Variants in PLXNA4 observed in about 807,000 individuals in gnomAD.
The protein encoded by PLXNA4 is plexin-A4.
Under a neutral mutation model 191.8 loss-of-function variants are expected in PLXNA4, and 44 were observed. The observed-to-expected ratio is 0.23, with a 90% CI of 0.18 to 0.29. The LOEUF (loss-of-function observed/expected upper bound fraction) is 0.29, where lower values mean the gene tolerates loss of function less well. PLXNA4 is among the 10% of genes least tolerant of loss of function. PLXNA4 has a pLI of 1.00. For missense variants in PLXNA4, 1,800 were observed against 2,488.8 expected, an observed-to-expected ratio of 0.72 and a Z score of 5.89; for synonymous variants, 1,082 against 1,009.5, an observed-to-expected ratio of 1.07 and a Z score of -1.36.
At chr7:132,226,315 T>A in intron 7 of PLXNA4, 55 bp from the exon 8 acceptor site, 1 of 1,468,524 alleles carries the variant, frequency 6.8e-7, no homozygotes, top group Non-Finnish European at 9.5e-7. Context: ...AAGCCAGGGA[T>A]TCCCTGACCA....
chr7:132,629,179 T>C (rs1585415756), intron 2 of PLXNA4, among the ~76,000 whole-genome samples: 1 of 152,308 alleles, frequency 6.6e-6, no homozygotes, highest in Non-Finnish European at 1.5e-5. Flanking sequence ...CTTGGACAGA[T>C]AAACCTAACT....
At chr7:132,336,312 C>T (rs1424421420) in intron 3 of PLXNA4, among the ~76,000 whole-genome samples, 1 of 152,112 alleles carries the variant, frequency 6.6e-6, no homozygotes, top group South Asian at 2.1e-4. Flanking sequence ...AGTCACATCC[C>T]GAATCAAGGT....
Position 132,187,198 on chromosome 7 carries a change from T to TA in PLXNA4, c.2993+272dup, listed in dbSNP as rs528266862. Among the ~76,000 whole-genome samples, 22 of 152,160 alleles carry TA rather than the reference T, an allele frequency of 1.4e-4. 1 individual carries two copies. Among genetic ancestry groups the TA allele is most frequent in the South Asian group, 1.0e-3 (5 of 4,804 alleles). On this transcript the variant is annotated intron_variant, in intron 15 of 31. Coordinates refer to ENST00000321063, the MANE Select transcript of PLXNA4 (RefSeq NM_020911.2). Reference sequence around the variant, plus strand: ...AACCCCCCGCCTGCCAAATTATCCTTAAAAAAACCCTAGTCTCCAAATTTT... The same window carrying TA: ...AACCCCCCGCCTGCCAAATTATCCTTAAAAAAAACCCTAGTCTCCAAATTTT...
intron 25 of PLXNA4, among the ~76,000 whole-genome samples, chr7:132,151,542 A>AG (rs1795638346): frequency 2.8e-5 from 3 of 108,466 alleles, no homozygotes; most frequent in Non-Finnish European, 3.8e-5. Context: ...GAGGAGGAGG[A>AG]GAAAGGAGGA....
intron 3 of PLXNA4, among the ~76,000 whole-genome samples, chr7:132,378,847 C>CTTTTTTT (rs11375919): frequency 8.4e-6 from 1 of 119,050 alleles, no homozygotes; most frequent in African/African-American, 3.3e-5. Context: ...GGCACTGGAT[C>CTTTTTTT]TTTTTTTTTT....
At chr7:132,454,679 A>T (rs1357071505) in intron 3 of PLXNA4, among the ~76,000 whole-genome samples, 1 of 151,962 alleles carries the variant, frequency 6.6e-6, no homozygotes, top group Non-Finnish European at 1.5e-5. Flanking sequence ...ACTAGGGTGG[A>T]CCTTAATGCA....
intron 3 of PLXNA4, among the ~76,000 whole-genome samples, chr7:132,486,575 C>G (rs1043660167): frequency 6.6e-6 from 1 of 152,192 alleles, no homozygotes; most frequent in Non-Finnish European, 1.5e-5. Flanking sequence ...TTTGGCCGCC[C>G]CAGTGGCCTG....
At chr7:132,262,855 T>G (rs1370853472) in intron 4 of PLXNA4, among the ~76,000 whole-genome samples, 1 of 152,018 alleles carries the variant, frequency 6.6e-6, no homozygotes, top group Non-Finnish European at 1.5e-5. Flanking sequence ...CCACTTGTCG[T>G]TCATGACTCC....
chr7:132,205,947 G>A (rs1445642933), intron 10 of PLXNA4, among the ~76,000 whole-genome samples: 1 of 152,330 alleles, frequency 6.6e-6, no homozygotes. Context: ...ACATACATAT[G>A]CATGTGAGCA....
chr7:132,174,714 C>G, intron 21 of PLXNA4, 64 bp downstream of exon 21: 1 of 1,583,238 alleles, frequency 6.3e-7, no homozygotes, highest in Middle Eastern at 1.7e-4. Context: ...AAAGAAGGGG[C>G]TGGACTTGAA....
chr7:132,584,077 G>A (rs564300878), intron 2 of PLXNA4, among the ~76,000 whole-genome samples: 16 of 152,294 alleles, frequency 1.1e-4, no homozygotes, highest in Middle Eastern at 3.4e-3. Flanking sequence ...TTCTGGCAGG[G>A]TCATTGATGG....
Position 132,556,249 on chromosome 7 carries a change from C to G in PLXNA4, c.-87+20173G>C, listed in dbSNP as rs528392389. Among the ~76,000 whole-genome samples the G allele has an allele frequency of 3.2e-4, 49 of 152,358 alleles. 1 individual carries two copies. In the South Asian group the frequency reaches 9.7e-3, roughly 30 times the overall value. On this transcript the variant is annotated intron_variant, in intron 1 of 31. Coordinates refer to ENST00000321063, the MANE Select transcript of PLXNA4 (RefSeq NM_020911.2). Reference sequence around the variant, plus strand: ...CACCCTGGGGCCAGAGAGGGAGCTTCTGCTGCTGCATGCCCCTCGTGCCCT... The same window carrying G: ...CACCCTGGGGCCAGAGAGGGAGCTTGTGCTGCTGCATGCCCCTCGTGCCCT...
At chr7:132,543,251 A>C (rs533016583) in intron 1 of PLXNA4, among the ~76,000 whole-genome samples, 39 of 152,216 alleles carry the variant, frequency 2.6e-4, no homozygotes, top group Non-Finnish European at 2.9e-5. Context: ...CACAACTTGC[A>C]AAGGCTGGTT....
At chr7:132,368,775 C>T (rs1380317714) in intron 3 of PLXNA4, among the ~76,000 whole-genome samples, 1 of 152,172 alleles carries the variant, frequency 6.6e-6, no homozygotes, top group Non-Finnish European at 1.5e-5. Context: ...AGGAAGACAG[C>T]CCAGCCCTCC....
intron 3 of PLXNA4, among the ~76,000 whole-genome samples, chr7:132,475,089 C>T (rs575074576): frequency 1.3e-5 from 2 of 152,248 alleles, no homozygotes; most frequent in East Asian, 3.9e-4. Context: ...GATTTTAAGC[C>T]ACACCCAGGC....
chr7:132,392,367 T>C (rs1029366688), intron 3 of PLXNA4, among the ~76,000 whole-genome samples: 7 of 152,226 alleles, frequency 4.6e-5, no homozygotes, highest in African/African-American at 1.7e-4. Context: ...AGTCTGTAAA[T>C]GTGCACCTGC....
At chr7:132,478,811 C>T (rs948203784) in intron 3 of PLXNA4, among the ~76,000 whole-genome samples, 1 of 152,066 alleles carries the variant, frequency 6.6e-6, no homozygotes, top group Admixed American at 6.6e-5. Context: ...TACCTGGGAA[C>T]ACTCAGATTT....
intron 5 of PLXNA4, among the ~76,000 whole-genome samples, chr7:132,230,140 A>G (rs1798474749): frequency 1.3e-5 from 2 of 152,206 alleles, no homozygotes; most frequent in Non-Finnish European, 2.9e-5. Context: ...TAATAGGCAC[A>G]TGATATGGAG....
intron 6 of PLXNA4, among the ~76,000 whole-genome samples, 177 bp from the exon 7 acceptor site, chr7:132,227,781 G>A (rs567320455): frequency 1.2e-4 from 18 of 152,332 alleles, no homozygotes; most frequent in Middle Eastern, 6.8e-3. Flanking sequence ...CACAGAGGCC[G>A]TGGTGAGATG....
Sources: allele counts gnomAD v4.1 joint callset (sites outside exome capture counted in the v4.1 genomes callset), GRCh38; gene constraint gnomAD v4.1.1; transcripts MANE v1.5; gene names NCBI Gene and HGNC (gene_info 2026-07-23, HGNC 2026-07-21).